The following CREBBP variants were observed in gnomAD, a reference collection of about 807,000 sequenced individuals.
The protein encoded by CREBBP is CREB binding lysine acetyltransferase, also known as CREB-binding protein.
In CREBBP, 19 loss-of-function variants were observed where a neutral mutation model predicts 265.0. The ratio of observed to expected loss-of-function variants is 0.07; its 90% CI spans 0.05 to 0.11. The LOEUF (loss-of-function observed/expected upper bound fraction) is 0.11. Ranked by LOEUF, CREBBP falls within the 10% of genes least tolerant of loss-of-function variation. CREBBP has a pLI of 1.00. For missense variants in CREBBP, 2,525 were observed against 3,219.0 expected, an observed-to-expected ratio of 0.78 and a Z score of 5.22; for synonymous variants, 1,457 against 1,223.7, an observed-to-expected ratio of 1.19 and a Z score of -3.98.
At chr16:3,865,062 A>G (rs1225761740) in intron 1 of CREBBP, among the ~76,000 whole-genome samples, 1 of 152,246 alleles carries the variant, frequency 6.6e-6, no homozygotes, top group Admixed American at 6.5e-5. Context: ...CTGTCTCAAA[A>G]AAAAAAAGAA....
intron 9 of CREBBP, 45 bp downstream of exon 9, chr16:3,778,655 A>G: frequency 1.5e-6 from 2 of 1,376,496 alleles, no homozygotes; most frequent in Non-Finnish European, 2.1e-6. Flanking sequence ...AGTGCTGTCT[A>G]CTACAGATGC....
In CREBBP at chr16:3,727,393, G is replaced by T; in HGVS notation, c.*325C>A. 1 of 286,082 alleles carries T rather than the reference G, an allele frequency of 3.5e-6. No homozygotes were observed. The highest frequency in any genetic ancestry group is 6.6e-6 in the Non-Finnish European group (1 of 152,374). The allele number at this position is 286,082 out of a possible 1,614,324, so 17.7% of individuals were successfully genotyped here. On this transcript the variant is annotated 3_prime_UTR_variant, in exon 31 of 31. Coordinates refer to ENST00000262367, the MANE Select transcript of CREBBP (RefSeq NM_004380.3). ...TGAATATAATGAACTTGTTTTTCCCGTTAAAAAAAGGCATGAGTCACCAGC... is the reference window on the plus strand; with the variant it reads ...TGAATATAATGAACTTGTTTTTCCCTTTAAAAAAAGGCATGAGTCACCAGC...
At chr16:3,732,284 C>G (rs1396076029) in intron 28 of CREBBP, among the ~76,000 whole-genome samples, 1 of 152,184 alleles carries the variant, frequency 6.6e-6, no homozygotes, top group African/African-American at 2.4e-5. Context: ...CAACTGTGGT[C>G]AGCAGCTGTC....
intron 2 of CREBBP, 120 bp downstream of exon 2, chr16:3,850,177 G>C (rs1464998245): frequency 3.3e-6 from 3 of 906,236 alleles, no homozygotes; most frequent in Non-Finnish European, 5.5e-6. Flanking sequence ...AAGCATGAGT[G>C]GCACGTGGAG....
At position 3,782,714 on chromosome 16, in the gene CREBBP, G is replaced by A; in HGVS notation, c.1543C>T (p.His515Tyr). 6.2e-7 allele frequency: 1 copy of A among 1,614,172 alleles called. No individual in the cohort carries two copies. Among genetic ancestry groups the A allele is most frequent in the Non-Finnish European group, 8.5e-7 (1 of 1,180,026 alleles). The change falls in exon 6 of 31, where the codon CAC becomes TAC. Residue 515 changes from histidine to tyrosine, a missense_variant. Physicochemically the swap from His to Tyr is moderately conservative, Grantham distance 83. This residue lies in a region of CREBBP where 144 missense variants were observed against 134.0 expected (regional missense o/e 1.07). Coordinates refer to ENST00000262367, the MANE Select transcript of CREBBP (RefSeq NM_004380.3). ...PGQQPAQPQT[H>Y]QQMRTLNPLG... ...GGGTTGAGAGTCCTCATCTGCTGGT[G>A]GGTTTGAGGCTGTGCTGGTTGCTGG... is the stretch of plus-strand genomic sequence containing the variant.
intron 2 of CREBBP, among the ~76,000 whole-genome samples, chr16:3,826,487 T>C (rs2054239675): frequency 1.3e-5 from 2 of 152,196 alleles, no homozygotes; most frequent in South Asian, 4.1e-4. Flanking sequence ...CAGGTGGCTG[T>C]GGGCAGCATC....
At chr16:3,875,254 T>C (rs2141598462) in intron 1 of CREBBP, among the ~76,000 whole-genome samples, 1 of 152,340 alleles carries the variant, frequency 6.6e-6, no homozygotes, top group East Asian at 1.9e-4. Context: ...GACTTGTCCT[T>C]GCCTACCTTC....
Position 3,781,086 on chromosome 16 carries a change from C to T in CREBBP, c.1676+118G>A, listed in dbSNP as rs74003404. On this transcript the variant is annotated intron_variant, in intron 7 of 30. Transcript: ENST00000262367. ...AGAAAAAAAGGAAAACAGCATTCACCCCTCACCACCCCATTTAAACTATTT... is the reference window on the plus strand; with the variant it reads ...AGAAAAAAAGGAAAACAGCATTCACTCCTCACCACCCCATTTAAACTATTT... 2.2e-3 allele frequency: 2,359 copies of T among 1,070,240 alleles called. 48 individuals carry two copies. In the African/African-American group the frequency reaches 0.033, roughly 15 times the overall value. 66.3% of individuals were successfully genotyped at this position (1,070,240 alleles called of 1,614,324 possible).
At chr16:3,763,978 G>A (rs1420173323) in intron 16 of CREBBP, among the ~76,000 whole-genome samples, 1 of 151,222 alleles carries the variant, frequency 6.6e-6, no homozygotes, top group Non-Finnish European at 1.5e-5. Flanking sequence ...CCGAGTAGCT[G>A]GGACTACAGG....
At chr16:3,849,421 GTGTGTGTGTGTGTGTGTGTGTGT>G (rs1567360005) in intron 2 of CREBBP, among the ~76,000 whole-genome samples, 26 of 8,580 alleles carry the variant, frequency 3.0e-3, no homozygotes, top group Non-Finnish European at 0.011. Flanking sequence ...GTGTGTGTGT[GTGTGTGTGTGTGTGTGTGTGTGT>G]GTGTGTGTGT....
At chr16:3,745,632 T>C (rs926321108) in intron 21 of CREBBP, 40 of 487,418 alleles carry the variant, frequency 8.2e-5, no homozygotes, top group East Asian at 2.5e-4. Flanking sequence ...TTTTTAAAAA[T>C]TGCTGCGACA....
Position 3,850,800 on chromosome 16 carries a change from G to A in CREBBP, c.295C>T (p.Leu99=). The change falls in exon 2 of 31, where the codon CTG becomes TTG. Residue 99 remains leucine, a synonymous_variant. Coordinates refer to ENST00000262367, the MANE Select transcript of CREBBP (RefSeq NM_004380.3). Reference sequence around the variant, plus strand: ...GGCTGCCCTTGAGCCTGGCCACCCAGGCCCTGCTGCACGGGGCTGCTGGCG... The same window carrying A: ...GGCTGCCCTTGAGCCTGGCCACCCAAGCCCTGCTGCACGGGGCTGCTGGCG... The part of the protein sequence containing the change: ...VSASSPVQQG[L]GGQAQGQPNS... 1 of 1,614,162 alleles carries A rather than the reference G, an allele frequency of 6.2e-7. No homozygotes were observed. The highest frequency in any genetic ancestry group is 8.5e-7 in the Non-Finnish European group (1 of 1,180,048).
intron 2 of CREBBP, among the ~76,000 whole-genome samples, chr16:3,830,292 G>A (rs1164929814): frequency 6.6e-6 from 1 of 152,158 alleles, no homozygotes; most frequent in African/African-American, 2.4e-5. Flanking sequence ...CAGCTACTCA[G>A]GAGGCTGAGG....
chr16:3,775,485 A>C (rs2053115642), intron 11 of CREBBP, among the ~76,000 whole-genome samples: 1 of 152,204 alleles, frequency 6.6e-6, no homozygotes, highest in South Asian at 2.1e-4. Flanking sequence ...CCTTTAGAGA[A>C]TTTCTGGAAG....
At chr16:3,815,624 G>A (rs1175495602) in intron 2 of CREBBP, among the ~76,000 whole-genome samples, 1 of 148,452 alleles carries the variant, frequency 6.7e-6, no homozygotes, top group Non-Finnish European at 1.5e-5. Flanking sequence ...TGCTGCTAGA[G>A]AACCTCTATA....
intron 2 of CREBBP, among the ~76,000 whole-genome samples, chr16:3,842,942 G>C (rs997577591): frequency 1.1e-4 from 14 of 127,638 alleles, no homozygotes; most frequent in African/African-American, 4.6e-4. Flanking sequence ...TTCCAGCCTA[G>C]GCAAAAAGAG....
chr16:3,847,265 T>C (rs2054687186), intron 2 of CREBBP, among the ~76,000 whole-genome samples: 1 of 152,250 alleles, frequency 6.6e-6, no homozygotes, highest in Non-Finnish European at 1.5e-5. Context: ...AAGGAGGATG[T>C]TGCTCTTTTC....
intron 6 of CREBBP, 102 bp from the exon 7 acceptor site, chr16:3,781,408 GTTAT>G: frequency 1.1e-6 from 1 of 941,974 alleles, no homozygotes; most frequent in Admixed American, 2.0e-5. Flanking sequence ...ACAATTGGTG[GTTAT>G]TTAAATAAGT....
chr16:3,812,468 T>C (rs1222224647), intron 2 of CREBBP, among the ~76,000 whole-genome samples: 1 of 151,994 alleles, frequency 6.6e-6, no homozygotes, highest in African/African-American at 2.4e-5. Context: ...TGTGAGCCAC[T>C]GCGCCCGGCC....
Sources: allele counts gnomAD v4.1 joint callset (sites outside exome capture counted in the v4.1 genomes callset), GRCh38; gene constraint gnomAD v4.1.1; regional missense constraint gnomAD v4.1.1; transcripts MANE v1.5; gene names NCBI Gene and HGNC (gene_info 2026-07-23, HGNC 2026-07-21).